Variants in CTF1 observed in about 807,000 individuals in gnomAD.
CTF1 encodes cardiotrophin 1, also known as cardiotrophin-1.
CTF1 carries 9 observed loss-of-function variants against 10.9 expected under a neutral mutation model. That is an observed-to-expected ratio of 0.83 (90% CI 0.50 to 1.44). The LOEUF (loss-of-function observed/expected upper bound fraction) is 1.44, where lower values mean the gene tolerates loss of function less well. CTF1 is among the 40% of genes most tolerant of loss of function. CTF1 has a pLI of 0.00. For synonymous variants in CTF1, 133 were observed against 138.8 expected (o/e 0.96, Z 0.29); for missense variants, 259 against 275.3 (o/e 0.94, Z 0.42).
rs727502948 is a variant in CTF1, at chr16:30,899,403, C to G, written c.26-12C>G. The G allele has an allele frequency of 1.5e-5, 24 of 1,569,788 alleles. No individual in the cohort carries two copies. The highest frequency in any genetic ancestry group is 8.9e-5 in the South Asian group (8 of 90,186). On this transcript the variant is annotated splice_polypyrimidine_tract_variant and intron_variant, in intron 1 of 2. Coordinates refer to ENST00000279804, the MANE Select transcript of CTF1 (RefSeq NM_001330.5). ...GGTTGGCCATCCTCATTCCTCCCCC[C>G]TTTCCCACCAGAAGACCCCCAGACT...
chr16:30,900,515 T>C (rs955671157), intron 2 of CTF1, among the ~76,000 whole-genome samples: 13 of 152,110 alleles, frequency 8.5e-5, no homozygotes, highest in African/African-American at 3.1e-4. Flanking sequence ...TGTAATCCCA[T>C]TGCTTTTGGA....
chr16:30,898,044 G>T (rs1057339896), intron 1 of CTF1, among the ~76,000 whole-genome samples: 5 of 149,374 alleles, frequency 3.3e-5, no homozygotes, highest in Non-Finnish European at 4.5e-5. Flanking sequence ...TGTATTTTTA[G>T]TAGAGATGAG....
intron 2 of CTF1, among the ~76,000 whole-genome samples, chr16:30,900,820 T>C (rs2055394506): frequency 6.6e-6 from 1 of 151,808 alleles, no homozygotes; most frequent in Non-Finnish European, 1.5e-5. Context: ...TGTACTGCTA[T>C]GAACTTTGGT....
At position 30,902,708 on chromosome 16, in the gene CTF1, T is replaced by A; in HGVS notation, c.*169T>A. On this transcript the variant is annotated 3_prime_UTR_variant, in exon 3 of 3. Coordinates refer to ENST00000279804, the MANE Select transcript of CTF1 (RefSeq NM_001330.5). ...GAGAGGGGAGGGGACGGGCAGGGTCTCTGTCGCCCAGGCTGGGGTGCAGTG... is the reference window on the plus strand; with the variant it reads ...GAGAGGGGAGGGGACGGGCAGGGTCACTGTCGCCCAGGCTGGGGTGCAGTG... 1.8e-6 allele frequency: 2 copies of A among 1,087,314 alleles called. No individual in the cohort carries two copies. Among genetic ancestry groups the A allele is most frequent in the Non-Finnish European group, 2.4e-6 (2 of 834,990 alleles). The allele number at this position is 1,087,314 out of a possible 1,614,324, so 67.4% of individuals were successfully genotyped here.
chr16:30,899,609 A>C, intron 2 of CTF1, 76 bp downstream of exon 2: 5 of 882,844 alleles, frequency 5.7e-6, no homozygotes, highest in Non-Finnish European at 8.9e-6. Context: ...TCGATCACCC[A>C]TTCTCTCAAC....
intron 1 of CTF1, among the ~76,000 whole-genome samples, chr16:30,897,284 G>A (rs2055361540): frequency 6.6e-6 from 1 of 152,156 alleles, no homozygotes; most frequent in Non-Finnish European, 1.5e-5. Flanking sequence ...GCATGGATGG[G>A]GCATCAGGGA....
Position 30,896,656 on chromosome 16 carries a change from G to C in CTF1, c.13G>C (p.Glu5Gln). The C allele has an allele frequency of 3.2e-6, 4 of 1,253,020 alleles. No individual in the cohort carries two copies. The highest frequency in any genetic ancestry group is 4.0e-6 in the Non-Finnish European group (4 of 990,208). The allele number at this position is 1,253,020 out of a possible 1,614,324, so 77.6% of individuals were successfully genotyped here. A position where few individuals can be genotyped will look rare whatever the true frequency, so the allele number is the denominator to read the frequency against. The change falls in exon 1 of 3, where the codon GAG becomes CAG. Residue 5 changes from glutamate (E) to glutamine (Q), a missense_variant. Coordinates refer to ENST00000279804, the MANE Select transcript of CTF1 (RefSeq NM_001330.5). MSRR[E>Q]GSLEDPQTDS... The stretch of plus-strand genomic sequence containing the variant: ...GCCAGGGGCCAGCATGAGCCGGAGG[G>C]AGGGAAGTCTGGGTAAGGGGCTGAG...
At chr16:30,896,792 G>A in intron 1 of CTF1, 124 bp downstream of exon 1, 1 of 821,044 alleles carries the variant, frequency 1.2e-6, no homozygotes, top group African/African-American at 1.8e-5. Flanking sequence ...GGCGGGGAAG[G>A]GCAGGGCTCC....
intron 2 of CTF1, among the ~76,000 whole-genome samples, chr16:30,899,893 A>G (rs1316940089): frequency 6.6e-6 from 1 of 152,182 alleles, no homozygotes; most frequent in Non-Finnish European, 1.5e-5. Flanking sequence ...GTGGGGCCAC[A>G]GGCACACACC....
In CTF1 at chr16:30,902,413, A is replaced by AGCCGCCTCC. The variant is rs2055411852; in HGVS notation, c.484_492dup (p.Ala162_Ala164dup). The AGCCGCCTCC allele has an allele frequency of 6.6e-6, 9 of 1,356,230 alleles. No homozygotes were observed. The South Asian group carries it at 1.2e-4, about 18-fold the overall frequency. The allele number at this position is 1,356,230 out of a possible 1,614,324, so 84.0% of individuals were successfully genotyped here. ...CCGAGCCCCCCGCCGCCACCGCCTCAGCCGCCTCCGCCACCGGGGTCTTCC... is the reference window on the plus strand; with the variant it reads ...CCGAGCCCCCCGCCGCCACCGCCTCAGCCGCCTCCGCCGCCTCCGCCACCGGGGTCTTCC... On this transcript the variant is annotated inframe_insertion, in exon 3 of 3. Transcript: ENST00000279804.
intron 1 of CTF1, 113 bp downstream of exon 1, chr16:30,896,781 T>G: frequency 1.0e-6 from 1 of 985,678 alleles, no homozygotes. Context: ...GGAGCGGCCT[T>G]GGCGGGGAAG....
Position 30,902,488 on chromosome 16 carries a change from G to C in CTF1, c.555G>C (p.Leu185=). ...LRVCGLYREW[L]SRTEGDLGQL... Reference sequence around the variant, plus strand: ...TTTGCGGCCTCTACCGCGAGTGGCTGAGCCGCACCGAGGGCGACCTGGGCC... The same window carrying C: ...TTTGCGGCCTCTACCGCGAGTGGCTCAGCCGCACCGAGGGCGACCTGGGCC... Residue 185 remains leucine, a synonymous_variant, in exon 3 of 3, where the codon CTG becomes CTC. Coordinates refer to ENST00000279804, the MANE Select transcript of CTF1 (RefSeq NM_001330.5). 4.7e-6 allele frequency: 7 copies of C among 1,486,284 alleles called. No individual in the cohort carries two copies. Among genetic ancestry groups the C allele is most frequent in the South Asian group, 1.2e-5 (1 of 80,236 alleles). The allele number at this position is 1,486,284 out of a possible 1,614,324, so 92.1% of individuals were successfully genotyped here. A position where few individuals can be genotyped will look rare whatever the true frequency, so the allele number is the denominator to read the frequency against.
rs1596640306 is a variant in CTF1 at position 30,902,802 on chromosome 16, A to C, written c.*263A>C. ...ATCCTTCCGCCTCAGCTTCCCCAGCAGCTGGGACTACAGGCACGCGCCACC... is the reference window on the plus strand; with the variant it reads ...ATCCTTCCGCCTCAGCTTCCCCAGCCGCTGGGACTACAGGCACGCGCCACC... On this transcript the variant is annotated 3_prime_UTR_variant, in exon 3 of 3. Transcript: ENST00000279804. 1 of 347,064 alleles carries C rather than the reference A, an allele frequency of 2.9e-6. No individual in the cohort carries two copies. Among genetic ancestry groups the C allele is most frequent in the East Asian group, 4.8e-5 (1 of 20,712 alleles). The allele number at this position is 347,064 out of a possible 1,614,324, so 21.5% of individuals were successfully genotyped here. A position where few individuals can be genotyped will look rare whatever the true frequency, so the allele number is the denominator to read the frequency against.
chr16:30,897,644 T>G (rs1355764964), intron 1 of CTF1, among the ~76,000 whole-genome samples: 2 of 152,066 alleles, frequency 1.3e-5, no homozygotes, highest in African/African-American at 4.8e-5. Context: ...TCCCATAAGA[T>G]TCTATGCATT....
chr16:30,899,665 A>G, intron 2 of CTF1, 132 bp downstream of exon 2: 1 of 632,960 alleles, frequency 1.6e-6, no homozygotes, highest in Non-Finnish European at 2.8e-6. Context: ...AGGGACAGCA[A>G]CTTGCCCCTG....
At chr16:30,896,285 C>T (rs1407594187), upstream of CTF1, among the ~76,000 whole-genome samples, 2 of 152,168 alleles carry the variant, frequency 1.3e-5, no homozygotes, top group Non-Finnish European at 2.9e-5. Context: ...CCTGCCAGTC[C>T]GGCAGTTCCC....
intron 1 of CTF1, among the ~76,000 whole-genome samples, chr16:30,897,214 G>A (rs983576238): frequency 6.6e-6 from 1 of 152,242 alleles, no homozygotes; most frequent in African/African-American, 2.4e-5. Flanking sequence ...AGTCCCTCCC[G>A]GGGCGCCAGA....
Position 30,902,798 on chromosome 16 carries a change from C to A in CTF1, c.*259C>A. The A allele has an allele frequency of 2.8e-6, 1 of 359,152 alleles. No individual in the cohort carries two copies. The highest frequency in any genetic ancestry group is 4.8e-6 in the Non-Finnish European group (1 of 207,428). 22.2% of individuals were successfully genotyped at this position (359,152 alleles called of 1,614,324 possible). On this transcript the variant is annotated 3_prime_UTR_variant, in exon 3 of 3. Coordinates refer to ENST00000279804, the MANE Select transcript of CTF1 (RefSeq NM_001330.5). ...AGCCATCCTTCCGCCTCAGCTTCCC[C>A]AGCAGCTGGGACTACAGGCACGCGC...
chr16:30,896,998 TG>T (rs1274726372), intron 1 of CTF1, among the ~76,000 whole-genome samples: 3 of 151,260 alleles, frequency 2.0e-5, no homozygotes, highest in African/African-American at 7.3e-5. Context: ...GAATCAGAGC[TG>T]GGGGGCTGAA....
Sources: gnomAD v4.1 joint callset for allele counts (sites outside exome capture counted in the v4.1 genomes callset) on GRCh38, gnomAD v4.1.1 for gene constraint, MANE v1.5 for transcripts, NCBI Gene and HGNC (gene_info 2026-07-23, HGNC 2026-07-21) for gene names.